The following SLIT2 variants were observed in gnomAD, a reference collection of about 807,000 sequenced individuals.
SLIT2 encodes slit homolog 2 protein.
In SLIT2, 41 loss-of-function variants were observed where a neutral mutation model predicts 185.7. The observed-to-expected ratio is 0.22, with a 90% CI of 0.17 to 0.29. The LOEUF (loss-of-function observed/expected upper bound fraction) is 0.29. Among genes scored for constraint, SLIT2 ranks in the 10% least tolerant of loss-of-function variants. The probability of loss-of-function intolerance (pLI) is 1.00; values close to 1 mark genes in which losing one functional copy is unlikely to be tolerated. For missense variants in SLIT2, 1,571 were observed against 1,909.0 expected, an observed-to-expected ratio of 0.82 and a Z score of 3.30; for synonymous variants, 693 against 680.2, an observed-to-expected ratio of 1.02 and a Z score of -0.29.
intron 4 of SLIT2, among the ~76,000 whole-genome samples, chr4:20,404,964 T>G (rs1279594754): frequency 2.0e-5 from 3 of 151,934 alleles, no homozygotes; most frequent in Non-Finnish European, 4.4e-5. Context: ...TTATAACATT[T>G]TTATGAACCT....
intron 4 of SLIT2, among the ~76,000 whole-genome samples, chr4:20,276,125 A>G (rs2109044418): frequency 6.6e-6 from 1 of 152,296 alleles, no homozygotes; most frequent in Non-Finnish European, 1.5e-5. Context: ...TTTTTAGACT[A>G]CTAATTATGT....
At chr4:20,480,301 C>A (rs560403906) in intron 5 of SLIT2, among the ~76,000 whole-genome samples, 2 of 152,118 alleles carry the variant, frequency 1.3e-5, no homozygotes, top group Admixed American at 6.6e-5. Flanking sequence ...TGCAGCTGGG[C>A]TTCTCTGATA....
At chr4:20,616,682 G>C in intron 34 of SLIT2, 1 of 436,638 alleles carries the variant, frequency 2.3e-6, no homozygotes, top group South Asian at 7.0e-5. Flanking sequence ...AATCAACTAG[G>C]TATTTTATTC....
intron 18 of SLIT2, among the ~76,000 whole-genome samples, chr4:20,538,450 G>T (rs1445223370): frequency 6.6e-6 from 1 of 152,112 alleles, no homozygotes. Flanking sequence ...GAATGCAAAC[G>T]TTTATATTTC....
At chr4:20,276,652 A>T (rs899567828) in intron 4 of SLIT2, among the ~76,000 whole-genome samples, 3 of 152,196 alleles carry the variant, frequency 2.0e-5, no homozygotes, top group Non-Finnish European at 4.4e-5. Context: ...CAGAATTGGA[A>T]AAAATAGCTT....
At chr4:20,566,852 T>C (rs1725132080) in intron 26 of SLIT2, among the ~76,000 whole-genome samples, 1 of 151,988 alleles carries the variant, frequency 6.6e-6, no homozygotes, top group Admixed American at 6.6e-5. Context: ...TAAAATTTGC[T>C]CACCCCACAC....
chr4:20,450,959 AT>A (rs2148713782), intron 4 of SLIT2, among the ~76,000 whole-genome samples: 1 of 152,338 alleles, frequency 6.6e-6, no homozygotes, highest in East Asian at 1.9e-4. Context: ...GCTCAGAATG[AT>A]CTATCTTACA....
intron 4 of SLIT2, among the ~76,000 whole-genome samples, chr4:20,314,592 T>G (rs886080728): frequency 1.3e-5 from 2 of 152,270 alleles, no homozygotes; most frequent in Non-Finnish European, 2.9e-5. Flanking sequence ...ATTCTAGCAG[T>G]ATTGGCTGTC....
chr4:20,302,095 G>A (rs527760919), intron 4 of SLIT2, among the ~76,000 whole-genome samples: 1 of 152,164 alleles, frequency 6.6e-6, no homozygotes, highest in Non-Finnish European at 1.5e-5. Context: ...CTAGAGAAAC[G>A]AAGATTAATT....
At chr4:20,601,289 C>T (rs1462446445) in intron 33 of SLIT2, among the ~76,000 whole-genome samples, 1 of 152,194 alleles carries the variant, frequency 6.6e-6, no homozygotes, top group African/African-American at 2.4e-5. Context: ...GCTTCAGCTC[C>T]CTGGGCCTCA....
At chr4:20,414,952 A>T (rs1727537471) in intron 4 of SLIT2, among the ~76,000 whole-genome samples, 1 of 152,140 alleles carries the variant, frequency 6.6e-6, no homozygotes, top group Admixed American at 6.6e-5. Flanking sequence ...TATTTATTTA[A>T]ATATTTTTAT....
intron 4 of SLIT2, among the ~76,000 whole-genome samples, chr4:20,323,349 A>G (rs1471745736): frequency 6.6e-6 from 1 of 152,226 alleles, no homozygotes; most frequent in Non-Finnish European, 1.5e-5. Flanking sequence ...GGATATTAAC[A>G]TTTAAAGGAT....
At chr4:20,561,533 C>G (rs1266479343) in intron 26 of SLIT2, among the ~76,000 whole-genome samples, 1 of 151,540 alleles carries the variant, frequency 6.6e-6, no homozygotes, top group Non-Finnish European at 1.5e-5. Flanking sequence ...TGAGCCCAAC[C>G]TAAAGCAATG....
At chr4:20,469,805 G>C (rs1230865597) in intron 5 of SLIT2, among the ~76,000 whole-genome samples, 2 of 142,950 alleles carry the variant, frequency 1.4e-5, no homozygotes, top group Non-Finnish European at 3.0e-5. Context: ...ACCCAGGCTG[G>C]AGTGCAGTGG....
At chr4:20,444,735 A>T (rs1711578607) in intron 4 of SLIT2, among the ~76,000 whole-genome samples, 1 of 152,172 alleles carries the variant, frequency 6.6e-6, no homozygotes, top group African/African-American at 2.4e-5. Flanking sequence ...TTTTTAAGAT[A>T]AAAATTCTTT....
intron 4 of SLIT2, among the ~76,000 whole-genome samples, chr4:20,339,109 AAAAG>A (rs1423929402): frequency 8.6e-5 from 13 of 151,424 alleles, no homozygotes; most frequent in South Asian, 2.1e-4. Flanking sequence ...AAAAAAAAAA[AAAAG>A]AAAGACATTG....
rs1385341884 is a variant in SLIT2 at position 20,488,948 on chromosome 4, A to C, written c.741A>C (p.Val247=). The change falls in exon 8 of 37, where the codon GTA becomes GTC. Residue 247 remains valine, a synonymous_variant. Transcript: ENST00000504154. ...MGPSHLRGHN[V]AEVQKREFVC... is the part of the protein sequence containing the mutation. ...CCTCCCACCTGAGAGGCCATAATGT[A>C]GCCGAGGTTCAAAAACGAGAATTTG... 1 of 1,611,526 alleles carries C rather than the reference A, an allele frequency of 6.2e-7. No individual in the cohort carries two copies. The highest frequency in any genetic ancestry group is 2.2e-5 in the East Asian group (1 of 44,826).
At chr4:20,602,139 T>C (rs1317539373) in intron 33 of SLIT2, among the ~76,000 whole-genome samples, 2 of 152,224 alleles carry the variant, frequency 1.3e-5, no homozygotes, top group South Asian at 2.1e-4. Context: ...ATGAAGACAA[T>C]TATTTTATGA....
intron 5 of SLIT2, among the ~76,000 whole-genome samples, chr4:20,480,381 A>G (rs756136951): frequency 8.5e-5 from 13 of 152,182 alleles, no homozygotes; most frequent in Non-Finnish European, 1.5e-4. Flanking sequence ...TACCTTAATG[A>G]AATTGTTTCA....
Sources: gnomAD v4.1 joint callset for allele counts (sites outside exome capture counted in the v4.1 genomes callset) on GRCh38, gnomAD v4.1.1 for gene constraint, MANE v1.5 for transcripts, NCBI Gene and HGNC (gene_info 2026-07-23, HGNC 2026-07-21) for gene names.